Variants in TENM2 observed in about 807,000 individuals in gnomAD.
The protein encoded by TENM2 is teneurin transmembrane protein 2.
Under a neutral mutation model 245.2 loss-of-function variants are expected in TENM2, and 52 were observed. The observed-to-expected ratio is 0.21, with a 90% CI of 0.17 to 0.27. TENM2 has a LOEUF of 0.27. Among genes scored for constraint, TENM2 ranks in the 10% least tolerant of loss-of-function variants. TENM2 has a pLI of 1.00. For missense variants in TENM2, 3,046 were observed against 3,666.8 expected (o/e 0.83, Z 4.37); for synonymous variants, 1,363 against 1,438.9 (o/e 0.95, Z 1.19).
chr5:168,215,542 G>C (rs113961088), intron 21 of TENM2, among the ~76,000 whole-genome samples: 4 of 152,292 alleles, frequency 2.6e-5, no homozygotes, highest in East Asian at 1.9e-4. Context: ...GGCGGTGGGC[G>C]CCTGTAGTCC....
chr5:167,961,502 G>C (rs1366825951), intron 4 of TENM2, among the ~76,000 whole-genome samples: 1 of 152,058 alleles, frequency 6.6e-6, no homozygotes, highest in Non-Finnish European at 1.5e-5. Flanking sequence ...ACTTAGAATG[G>C]ACTAGATGAA....
chr5:168,158,327 A>G lies in TENM2; in HGVS notation c.2423-4284A>G, dbSNP rs180971963. Among the ~76,000 whole-genome samples the G allele has an allele frequency of 2.8e-4, 42 of 152,264 alleles. 1 individual carries two copies. Among genetic ancestry groups the G allele is most frequent in the Admixed American group, 7.8e-4 (12 of 15,298 alleles). On this transcript the variant is annotated intron_variant, in intron 12 of 28. Transcript: ENST00000518659. The stretch of plus-strand genomic sequence containing the variant: ...TTTTGATCTCAGAGAGGAAGTCTCT[A>G]TTATCTTCTCATGATTCTCAGAAGA...
At chr5:168,262,541 G>C in exon 29 of TENM2, 2 of 1,557,204 alleles carry the variant, frequency 1.3e-6, no homozygotes, top group Non-Finnish European at 1.7e-6. Context: ...CCTCACCCCC[G>C]ACACCCTGGA....
intron 3 of TENM2, among the ~76,000 whole-genome samples, chr5:167,908,026 T>G (rs559443573): frequency 3.3e-5 from 5 of 152,258 alleles, no homozygotes; most frequent in Admixed American, 6.5e-5. Context: ...TTTCCTCATT[T>G]GTAAAATGAG....
intron 2 of TENM2, among the ~76,000 whole-genome samples, chr5:167,708,760 G>A (rs114490331): frequency 0.012 from 1,842 of 152,182 alleles, 36 homozygotes; most frequent in African/African-American, 0.042. Flanking sequence ...TGCTTTTACC[G>A]TACAGTGCCA....
At chr5:167,181,546 C>G in the TENM2 span, among the ~76,000 whole-genome samples, 6 of 147,052 alleles carry the variant, frequency 4.1e-5, no homozygotes, top group Non-Finnish European at 7.4e-5. Flanking sequence ...TAGGTCAACA[C>G]ATATAACAGA....
intron 2 of TENM2, among the ~76,000 whole-genome samples, chr5:167,547,938 T>C (rs897934421): frequency 6.6e-6 from 1 of 152,204 alleles, no homozygotes; most frequent in African/African-American, 2.4e-5. Flanking sequence ...GAAACATAAA[T>C]ATAATCCATC....
intron 2 of TENM2, among the ~76,000 whole-genome samples, chr5:167,665,428 G>C (rs1171309119): frequency 2.0e-5 from 3 of 151,590 alleles, no homozygotes; most frequent in Non-Finnish European, 4.4e-5. Flanking sequence ...GGGCAGAAGA[G>C]GATATAAGAG....
chr5:167,511,704 A>G (rs745541680), intron 2 of TENM2, among the ~76,000 whole-genome samples: 3 of 152,204 alleles, frequency 2.0e-5, no homozygotes, highest in Non-Finnish European at 4.4e-5. Flanking sequence ...TGCCATAAGC[A>G]TTGCAAGAAC....
chr5:167,662,845 G>A (rs1214666970), intron 2 of TENM2, among the ~76,000 whole-genome samples: 3 of 152,066 alleles, frequency 2.0e-5, no homozygotes, highest in Non-Finnish European at 4.4e-5. Context: ...AGAACCTGAG[G>A]CTCACTAAGT....
chr5:167,576,089 G>T (rs544639795), intron 2 of TENM2, among the ~76,000 whole-genome samples: 1 of 152,288 alleles, frequency 6.6e-6, no homozygotes, highest in East Asian at 1.9e-4. Context: ...TCCAGGTGAG[G>T]CAATGATAAA....
chr5:167,881,967 CTA>C (rs1256734882), intron 3 of TENM2, among the ~76,000 whole-genome samples: 1 of 152,134 alleles, frequency 6.6e-6, no homozygotes, highest in Admixed American at 6.6e-5. Context: ...TACCCATTTT[CTA>C]GATGACAAAA....
chr5:168,081,558 G>A (rs896167011), intron 7 of TENM2, among the ~76,000 whole-genome samples: 3 of 152,312 alleles, frequency 2.0e-5, no homozygotes, highest in African/African-American at 7.2e-5. Flanking sequence ...TGTTTTTGCA[G>A]TGGCTTGTAC....
intron 2 of TENM2, among the ~76,000 whole-genome samples, chr5:167,805,991 C>T (rs539605530): frequency 3.0e-4 from 46 of 152,180 alleles, no homozygotes; most frequent in Middle Eastern, 3.4e-3. Flanking sequence ...TCAGGAAATA[C>T]GCATATTTTA....
At chr5:167,006,106 C>T in the TENM2 span, among the ~76,000 whole-genome samples, 26 of 152,086 alleles carry the variant, frequency 1.7e-4, no homozygotes, top group African/African-American at 6.3e-4. Context: ...TTTTGGGTCC[C>T]TGCACAACTT....
chr5:168,019,685 G>A (rs1296069096), intron 5 of TENM2, among the ~76,000 whole-genome samples: 1 of 152,232 alleles, frequency 6.6e-6, no homozygotes, highest in Admixed American at 6.5e-5. Flanking sequence ...TGCAATTTCA[G>A]TGGATGTCAG....
chr5:167,826,994 G>T (rs918821209), intron 2 of TENM2, among the ~76,000 whole-genome samples: 2 of 152,234 alleles, frequency 1.3e-5, no homozygotes, highest in Non-Finnish European at 1.5e-5. Context: ...TCTGGCACAA[G>T]CCAGATTGCA....
chr5:167,801,270 C>T (rs1424891649), intron 2 of TENM2, among the ~76,000 whole-genome samples: 2 of 151,056 alleles, frequency 1.3e-5, no homozygotes, highest in Non-Finnish European at 2.9e-5. Context: ...ATTTTTATTA[C>T]ATTTTGAAAA....
the TENM2 span, among the ~76,000 whole-genome samples, chr5:167,190,013 C>T: frequency 6.6e-6 from 1 of 152,018 alleles, no homozygotes; most frequent in Admixed American, 6.6e-5. Flanking sequence ...GCACCTTTAA[C>T]TTAAATTCTG....
Sources: allele counts gnomAD v4.1 joint callset (sites outside exome capture counted in the v4.1 genomes callset), GRCh38; gene constraint gnomAD v4.1.1; transcripts MANE v1.5; gene names NCBI Gene and HGNC (gene_info 2026-07-23, HGNC 2026-07-21).